TENM2: variants seen among roughly 807,000 people sequenced by gnomAD.
The protein encoded by TENM2 is teneurin-2.
TENM2 carries 52 observed loss-of-function variants against 245.2 expected under a neutral mutation model. The observed-to-expected ratio is 0.21, with a 90% CI of 0.17 to 0.27. TENM2 has a LOEUF of 0.27. Among genes scored for constraint, TENM2 ranks in the 10% least tolerant of loss-of-function variants. The pLI, the probability that TENM2 is intolerant of heterozygous loss-of-function variation, is 1.00. For synonymous variants in TENM2, 1,363 were observed against 1,438.9 expected (o/e 0.95, Z 1.19); for missense variants, 3,046 against 3,666.8 (o/e 0.83, Z 4.37).
At chr5:167,136,664 A>G in the TENM2 span, among the ~76,000 whole-genome samples, 240 of 152,332 alleles carry the variant, frequency 1.6e-3, no homozygotes, top group Non-Finnish European at 2.8e-3. Flanking sequence ...AATTTCTGCT[A>G]CTAAAGTGAC....
At chr5:168,204,935 A>C (rs143558360) in intron 19 of TENM2, among the ~76,000 whole-genome samples, 24 of 152,348 alleles carry the variant, frequency 1.6e-4, no homozygotes, top group African/African-American at 5.5e-4. Context: ...GAGAACCACT[A>C]ATGTTCATTT....
chr5:168,252,663 G>A (rs1767222172), intron 27 of TENM2, among the ~76,000 whole-genome samples: 1 of 151,570 alleles, frequency 6.6e-6, no homozygotes, highest in Non-Finnish European at 1.5e-5. Context: ...GAGTAACATG[G>A]TGAAACCCCG....
intron 2 of TENM2, among the ~76,000 whole-genome samples, chr5:167,598,289 A>G (rs1776361896): frequency 6.6e-6 from 1 of 152,220 alleles, no homozygotes; most frequent in Non-Finnish European, 1.5e-5. Context: ...TTGAAGGGAT[A>G]GTGCCTGCTT....
At chr5:167,444,298 TAC>T (rs140953889) in intron 2 of TENM2, among the ~76,000 whole-genome samples, 488 of 150,484 alleles carry the variant, frequency 3.2e-3, no homozygotes, top group Middle Eastern at 0.01. Flanking sequence ...CACATACACA[TAC>T]ACACACACAC....
chr5:168,227,872 C>A, intron 24 of TENM2, 23 bp from the exon 27 acceptor site: 2 of 1,488,594 alleles, frequency 1.3e-6, no homozygotes, highest in African/African-American at 1.4e-5. Context: ...TCCCTATCCC[C>A]ACCCCCACTT....
intron 2 of TENM2, among the ~76,000 whole-genome samples, chr5:167,771,012 A>T (rs1182149889): frequency 6.6e-6 from 1 of 152,138 alleles, no homozygotes; most frequent in Non-Finnish European, 1.5e-5. Context: ...TCAAGGAATA[A>T]AAATAACCTG....
chr5:167,934,571 A>T (rs1390190789), intron 3 of TENM2, among the ~76,000 whole-genome samples: 2 of 152,194 alleles, frequency 1.3e-5, no homozygotes, highest in Admixed American at 6.5e-5. Context: ...CTGATGTAAC[A>T]CGATGAAAGC....
At chr5:167,611,053 T>C (rs1157257194) in intron 2 of TENM2, among the ~76,000 whole-genome samples, 1 of 152,222 alleles carries the variant, frequency 6.6e-6, no homozygotes, top group Non-Finnish European at 1.5e-5. Context: ...GGTCATCTAC[T>C]TTGGGCATGC....
intron 2 of TENM2, among the ~76,000 whole-genome samples, chr5:167,542,869 C>A (rs1772304257): frequency 6.6e-6 from 1 of 152,110 alleles, no homozygotes; most frequent in Admixed American, 6.5e-5. Flanking sequence ...TTGGACCAAA[C>A]CACCCCAAAA....
intron 9 of TENM2, among the ~76,000 whole-genome samples, chr5:168,107,920 A>G (rs1026390421): frequency 2.0e-5 from 3 of 152,250 alleles, no homozygotes; most frequent in African/African-American, 4.8e-5. Context: ...CCCCTGCCAC[A>G]TGCCGGCCAT....
chr5:167,479,662 A>G (rs1014243811), intron 2 of TENM2, among the ~76,000 whole-genome samples: 3 of 152,144 alleles, frequency 2.0e-5, no homozygotes, highest in African/African-American at 7.2e-5. Context: ...TTCACTTTTC[A>G]ATGTTTTCAT....
chr5:167,964,724 G>A (rs563527528), intron 4 of TENM2, among the ~76,000 whole-genome samples: 17 of 152,148 alleles, frequency 1.1e-4, no homozygotes, highest in Non-Finnish European at 2.5e-4. Context: ...CTTAAAGAGT[G>A]CTCTAGATCA....
chr5:168,251,057 TG>T (rs34641192), intron 27 of TENM2, among the ~76,000 whole-genome samples: 1 of 152,076 alleles, frequency 6.6e-6, no homozygotes. Context: ...AAACTGTGAA[TG>T]GGGAGGTTGA....
chr5:167,204,281 G>A, the TENM2 span, among the ~76,000 whole-genome samples: 1 of 152,098 alleles, frequency 6.6e-6, no homozygotes. Context: ...TAATAATAAG[G>A]TCAATTAGAC....
At chr5:167,937,357 A>G (rs1401448598) in intron 3 of TENM2, among the ~76,000 whole-genome samples, 1 of 152,182 alleles carries the variant, frequency 6.6e-6, no homozygotes, top group Non-Finnish European at 1.5e-5. Context: ...TTTGGGTTGA[A>G]CATTAAGTCC....
chr5:167,120,624 G>T, the TENM2 span, among the ~76,000 whole-genome samples: 1 of 152,162 alleles, frequency 6.6e-6, no homozygotes, highest in African/African-American at 2.4e-5. Context: ...CTCTCTCTAG[G>T]TCTGATGCAT....
At chr5:167,583,511 C>CA (rs1554085391) in intron 2 of TENM2, among the ~76,000 whole-genome samples, 17 of 147,638 alleles carry the variant, frequency 1.2e-4, no homozygotes, top group African/African-American at 2.2e-4. Context: ...CACACACACA[C>CA]CCCAAACCTA....
intron 2 of TENM2, among the ~76,000 whole-genome samples, chr5:167,826,441 C>G (rs1445725732): frequency 6.6e-6 from 1 of 152,188 alleles, no homozygotes; most frequent in Non-Finnish European, 1.5e-5. Flanking sequence ...TCATAGACCC[C>G]TTGATAGACT....
At chr5:167,849,610 A>T (rs1006478478) in intron 2 of TENM2, among the ~76,000 whole-genome samples, 2 of 152,122 alleles carry the variant, frequency 1.3e-5, no homozygotes, top group Middle Eastern at 3.2e-3. Flanking sequence ...GACTGCTCCC[A>T]CTTCAGATGT....
Sources: gnomAD v4.1 joint callset for allele counts (sites outside exome capture counted in the v4.1 genomes callset) on GRCh38, gnomAD v4.1.1 for gene constraint, MANE v1.5 for transcripts, NCBI Gene and HGNC (gene_info 2026-07-23, HGNC 2026-07-21) for gene names.